Variants in DNAJC3 observed in about 807,000 individuals in gnomAD.
DNAJC3 encodes the protein dnaJ homolog subfamily C member 3.
In DNAJC3, 38 loss-of-function variants were observed where a neutral mutation model predicts 68.6. The observed-to-expected ratio is 0.55, with a 90% CI of 0.43 to 0.73. DNAJC3 has a LOEUF of 0.73. DNAJC3 is among the 30% of genes least tolerant of loss of function. The pLI, the probability that DNAJC3 is intolerant of heterozygous loss-of-function variation, is 0.00. For synonymous variants in DNAJC3, 203 were observed against 204.0 expected (o/e 1.00, Z 0.04); for missense variants, 526 against 591.9 (o/e 0.89, Z 1.16).
intron 4 of DNAJC3, among the ~76,000 whole-genome samples, chr13:95,755,816 T>C (rs890607740): frequency 3.3e-5 from 5 of 150,752 alleles, no homozygotes; most frequent in African/African-American, 9.7e-5. Context: ...AAACCCTAAT[T>C]TCATCTGGCT....
chr13:95,750,965 G>A (rs1210577792), intron 4 of DNAJC3, among the ~76,000 whole-genome samples: 8 of 152,184 alleles, frequency 5.3e-5, no homozygotes, highest in Non-Finnish European at 8.8e-5. Context: ...ATATTCTAGG[G>A]CCAGTTGAGG....
At chr13:95,686,815 G>A (rs1880084757) in intron 1 of DNAJC3, among the ~76,000 whole-genome samples, 1 of 152,184 alleles carries the variant, frequency 6.6e-6, no homozygotes, top group Admixed American at 6.5e-5. Flanking sequence ...GTAATGTGAT[G>A]CCTCTGGATT....
chr13:95,705,311 T>G (rs143735041), intron 1 of DNAJC3, among the ~76,000 whole-genome samples: 2 of 152,266 alleles, frequency 1.3e-5, no homozygotes, highest in Non-Finnish European at 2.9e-5. Context: ...AGCCTCTGCA[T>G]TGATGTGCCC....
At chr13:95,723,398 A>G in intron 3 of DNAJC3, 32 bp downstream of exon 3, 2 of 1,594,956 alleles carry the variant, frequency 1.3e-6, no homozygotes, top group Non-Finnish European at 1.7e-6. Flanking sequence ...TTAAAGGGGA[A>G]CTTAACAGAA....
chr13:95,715,292 A>G (rs1033477553), intron 2 of DNAJC3, among the ~76,000 whole-genome samples: 3 of 152,148 alleles, frequency 2.0e-5, no homozygotes, highest in African/African-American at 4.8e-5. Context: ...AGTCCTAGCT[A>G]CTTGGGAGGC....
intron 1 of DNAJC3, among the ~76,000 whole-genome samples, chr13:95,691,275 G>A (rs1342235666): frequency 7.3e-5 from 11 of 149,870 alleles, no homozygotes; most frequent in African/African-American, 2.2e-4. Flanking sequence ...GCTGCTGGGC[G>A]GAGGGGCTCC....
chr13:95,784,051 T>A (rs1883525757), intron 9 of DNAJC3, among the ~76,000 whole-genome samples: 1 of 152,236 alleles, frequency 6.6e-6, no homozygotes, highest in Non-Finnish European at 1.5e-5. Flanking sequence ...TTTGGCTGTC[T>A]CAGTCTTAGG....
chr13:95,730,281 A>G (rs898340834), intron 4 of DNAJC3, among the ~76,000 whole-genome samples: 3 of 152,176 alleles, frequency 2.0e-5, no homozygotes, highest in African/African-American at 7.2e-5. Context: ...GGTGTCAGCC[A>G]CCATTCCCAG....
At position 95,717,899 on chromosome 13, in the gene DNAJC3, T is replaced by A. The variant is rs377493892; in HGVS notation, c.194-5343T>A. ...GCATGAAAACGGACTAACGCACCAGTCCAGTGTGTTTTTCCTATGCCTCTC... is the reference window on the plus strand; with the variant it reads ...GCATGAAAACGGACTAACGCACCAGACCAGTGTGTTTTTCCTATGCCTCTC... On this transcript the variant is annotated intron_variant, in intron 2 of 11. Transcript: ENST00000602402. 4.6e-5 allele frequency among the ~76,000 whole-genome samples: 7 copies of A among 152,312 alleles called. No homozygotes were observed. In the South Asian group the frequency reaches 1.4e-3, roughly 32 times the overall value.
rs1257424855 is a variant in DNAJC3, at chr13:95,794,446, C to T, written c.*3416C>T. 2.0e-5 allele frequency: 3 copies of T among 152,218 alleles called. No individual in the cohort carries two copies. The highest frequency in any genetic ancestry group is 4.4e-5 in the Non-Finnish European group (3 of 68,036). 9.4% of individuals were successfully genotyped at this position (152,218 alleles called of 1,614,324 possible). On this transcript the variant is annotated 3_prime_UTR_variant, in exon 12 of 12. Transcript: ENST00000602402. ...GTATCACCTAGAGAAGTTCACGCAA[C>T]TTTGTTGAATGTAGTTGACTTTTCC...
At chr13:95,694,758 T>C (rs1593957063) in intron 1 of DNAJC3, 1 of 152,650 alleles carries the variant, frequency 6.6e-6, no homozygotes, top group Non-Finnish European at 1.5e-5. Context: ...AACTGCTTTC[T>C]CTTCAGTTGC....
intron 4 of DNAJC3, among the ~76,000 whole-genome samples, chr13:95,755,453 G>C (rs963024014): frequency 6.6e-6 from 1 of 150,972 alleles, no homozygotes; most frequent in African/African-American, 2.4e-5. Flanking sequence ...CCTGTCCCCT[G>C]TCTCTTTAAA....
At chr13:95,781,413 G>C in intron 9 of DNAJC3, among the ~76,000 whole-genome samples, 1 of 152,092 alleles carries the variant, frequency 6.6e-6, no homozygotes, top group East Asian at 1.9e-4. Context: ...GCCTCTTATA[G>C]TGTGTGCTTG....
At chr13:95,741,793 C>T (rs939525187) in intron 4 of DNAJC3, among the ~76,000 whole-genome samples, 2 of 152,122 alleles carry the variant, frequency 1.3e-5, no homozygotes, top group Non-Finnish European at 2.9e-5. Context: ...GGTGGGCTCA[C>T]CCTCAGGCTC....
chr13:95,685,385 A>G (rs146926843), intron 1 of DNAJC3, among the ~76,000 whole-genome samples: 18 of 152,290 alleles, frequency 1.2e-4, no homozygotes, highest in African/African-American at 3.9e-4. Context: ...GAATGGGACT[A>G]TTTACCCAAT....
At chr13:95,757,082 C>T (rs974935884) in intron 4 of DNAJC3, among the ~76,000 whole-genome samples, 5 of 152,110 alleles carry the variant, frequency 3.3e-5, no homozygotes, top group African/African-American at 1.2e-4. Flanking sequence ...CTTAAAGCCA[C>T]ATCATGCACC....
chr13:95,690,585 C>T (rs1176317428), intron 1 of DNAJC3, among the ~76,000 whole-genome samples: 4 of 150,650 alleles, frequency 2.7e-5, no homozygotes, highest in South Asian at 2.1e-4. Flanking sequence ...CCCCTCACCT[C>T]CCGGACGGGG....
chr13:95,682,117 G>T (rs991507454), intron 1 of DNAJC3, among the ~76,000 whole-genome samples: 1 of 152,120 alleles, frequency 6.6e-6, no homozygotes, highest in Non-Finnish European at 1.5e-5. Flanking sequence ...CCTGAATTTT[G>T]GAGAGAACAT....
chr13:95,692,259 T>A (rs1340288161), intron 1 of DNAJC3, among the ~76,000 whole-genome samples: 1 of 152,200 alleles, frequency 6.6e-6, no homozygotes, highest in Non-Finnish European at 1.5e-5. Flanking sequence ...GGTTGTTGGA[T>A]AGAATGTTCT....
Sources: gnomAD v4.1 joint callset for allele counts (sites outside exome capture counted in the v4.1 genomes callset) on GRCh38, gnomAD v4.1.1 for gene constraint, MANE v1.5 for transcripts, NCBI Gene and HGNC (gene_info 2026-07-23, HGNC 2026-07-21) for gene names.